Variants in WWOX observed in about 807,000 individuals in gnomAD.
The protein encoded by WWOX is WW domain containing oxidoreductase, also known as WW domain-containing oxidoreductase.
In WWOX, 69 loss-of-function variants were observed where a neutral mutation model predicts 46.2. That is an observed-to-expected ratio of 1.49 (90% CI 1.23 to 1.82). WWOX has a LOEUF of 1.82. Ranked by LOEUF, WWOX falls within the 40% of genes most tolerant of loss-of-function variation. WWOX has a pLI of 0.00. For synonymous variants in WWOX, 359 were observed against 202.6 expected (o/e 1.77, Z -6.56); for missense variants, 919 against 542.6 (o/e 1.69, Z -6.89).
At chr16:78,709,192 G>C (rs1487361670) in intron 8 of WWOX, among the ~76,000 whole-genome samples, 1 of 152,196 alleles carries the variant, frequency 6.6e-6, no homozygotes, top group Non-Finnish European at 1.5e-5. Flanking sequence ...TTCTGTGTGT[G>C]TGGAATGTGG....
intron 5 of WWOX, among the ~76,000 whole-genome samples, chr16:78,223,641 G>T (rs1428081242): frequency 6.6e-6 from 1 of 152,164 alleles, no homozygotes; most frequent in Non-Finnish European, 1.5e-5. Flanking sequence ...GAAGCAAGAG[G>T]ATGGAGCCAT....
intron 8 of WWOX, among the ~76,000 whole-genome samples, chr16:79,172,084 A>T (rs755925277): frequency 1.7e-4 from 26 of 152,292 alleles, no homozygotes; most frequent in Middle Eastern, 3.4e-3. Flanking sequence ...TTAGCACGTG[A>T]CTGTCCTCTG....
chr16:78,209,452 T>C (rs1285417471), intron 5 of WWOX, among the ~76,000 whole-genome samples: 1 of 152,234 alleles, frequency 6.6e-6, no homozygotes, highest in Non-Finnish European at 1.5e-5. Context: ...GTCTGTTTTT[T>C]ATGAATATGT....
At chr16:78,341,845 T>A (rs1028607338) in intron 5 of WWOX, among the ~76,000 whole-genome samples, 2 of 121,094 alleles carry the variant, frequency 1.7e-5, no homozygotes, top group Admixed American at 1.6e-4. Flanking sequence ...CAGGGCATGG[T>A]GGTGCACACC....
intron 8 of WWOX, among the ~76,000 whole-genome samples, chr16:78,543,808 T>C (rs2043957644): frequency 6.6e-6 from 1 of 152,114 alleles, no homozygotes; most frequent in Non-Finnish European, 1.5e-5. Flanking sequence ...CCCCATAAAT[T>C]GCATCTCCCG....
chr16:78,800,873 A>T (rs1161680219), intron 8 of WWOX, among the ~76,000 whole-genome samples: 1 of 152,156 alleles, frequency 6.6e-6, no homozygotes, highest in Non-Finnish European at 1.5e-5. Flanking sequence ...ACTCAGTCTG[A>T]TAGTTTAGAA....
intron 8 of WWOX, among the ~76,000 whole-genome samples, chr16:78,629,538 C>T (rs1271607298): frequency 6.6e-6 from 1 of 152,202 alleles, no homozygotes; most frequent in Non-Finnish European, 1.5e-5. Flanking sequence ...CACCATATCC[C>T]TTAGGATAAA....
intron 1 of WWOX, among the ~76,000 whole-genome samples, chr16:78,106,300 G>T (rs753139551): frequency 1.3e-5 from 2 of 151,982 alleles, no homozygotes; most frequent in African/African-American, 2.4e-5. Flanking sequence ...TGGTTTATCT[G>T]ATTGCTGTTG....
chr16:78,776,922 A>G (rs1008451767), intron 8 of WWOX, among the ~76,000 whole-genome samples: 3 of 152,116 alleles, frequency 2.0e-5, no homozygotes, highest in Admixed American at 1.3e-4. Context: ...CTCCCCTAAC[A>G]TGTGGGGATT....
chr16:78,677,109 A>G (rs1032191504), intron 8 of WWOX, among the ~76,000 whole-genome samples: 16 of 151,230 alleles, frequency 1.1e-4, no homozygotes, highest in African/African-American at 3.9e-4. Context: ...TCTCGTAGGC[A>G]TTATATTGCA....
intron 8 of WWOX, among the ~76,000 whole-genome samples, chr16:78,770,355 A>C (rs972987806): frequency 1.2e-5 from 1 of 83,638 alleles, no homozygotes; most frequent in East Asian, 2.3e-4. Flanking sequence ...TGTCTCAAAC[A>C]AAAAAAAAAT....
intron 8 of WWOX, among the ~76,000 whole-genome samples, chr16:78,479,711 C>T (rs971599323): frequency 6.6e-6 from 1 of 152,084 alleles, no homozygotes; most frequent in African/African-American, 2.4e-5. Context: ...GGAACAAGGG[C>T]CAGGACACGA....
chr16:78,285,406 C>G (rs901547115), intron 5 of WWOX, among the ~76,000 whole-genome samples: 17 of 151,914 alleles, frequency 1.1e-4, no homozygotes, highest in African/African-American at 3.1e-4. Context: ...TGTACTCCAG[C>G]TGGGTAACAG....
At chr16:78,583,300 A>C (rs1272171707) in intron 8 of WWOX, among the ~76,000 whole-genome samples, 1 of 152,180 alleles carries the variant, frequency 6.6e-6, no homozygotes, top group African/African-American at 2.4e-5. Context: ...TGAGGGTACA[A>C]CTGGCTCCAA....
At chr16:78,773,056 GAAACAAAC>G (rs897328092) in intron 8 of WWOX, among the ~76,000 whole-genome samples, 3 of 152,022 alleles carry the variant, frequency 2.0e-5, no homozygotes, top group East Asian at 1.9e-4. Context: ...ACAAACAAAA[GAAACAAAC>G]AAACAAACAA....
intron 8 of WWOX, among the ~76,000 whole-genome samples, chr16:78,741,230 A>T (rs1014876013): frequency 6.6e-6 from 1 of 152,204 alleles, no homozygotes. Flanking sequence ...GAAAGCATTT[A>T]CTGACTCCTT....
At chr16:78,726,684 C>T (rs1044443985) in intron 8 of WWOX, among the ~76,000 whole-genome samples, 1 of 148,540 alleles carries the variant, frequency 6.7e-6, no homozygotes, top group South Asian at 2.1e-4. Flanking sequence ...TATGTAAAGC[C>T]CTAGGGTTAG....
At chr16:78,919,293 G>T (rs993617653) in intron 8 of WWOX, among the ~76,000 whole-genome samples, 2 of 151,888 alleles carry the variant, frequency 1.3e-5, no homozygotes, top group Non-Finnish European at 2.9e-5. Flanking sequence ...CTAAGCAGAG[G>T]CTCAGAGAAG....
At chr16:78,856,515 C>T (rs1030682027) in intron 8 of WWOX, among the ~76,000 whole-genome samples, 7 of 152,196 alleles carry the variant, frequency 4.6e-5, no homozygotes, top group African/African-American at 1.7e-4. Flanking sequence ...TGGTGGTACA[C>T]CCCTGTAATA....
Sources: allele counts gnomAD v4.1 joint callset (sites outside exome capture counted in the v4.1 genomes callset), GRCh38; gene constraint gnomAD v4.1.1; transcripts MANE v1.5; gene names NCBI Gene and HGNC (gene_info 2026-07-23, HGNC 2026-07-21).